The following DMD variants were observed in gnomAD, a reference collection of about 807,000 sequenced individuals.
The protein encoded by DMD is mutant dystrophin.
DMD carries 63 observed loss-of-function variants against 330.1 expected under a neutral mutation model. That is an observed-to-expected ratio of 0.19 (90% CI 0.16 to 0.24). The LOEUF is 0.24. DMD is among the 10% of genes least tolerant of loss of function. DMD has a pLI of 1.00. For missense variants in DMD, 3,344 were observed against 2,684.1 expected (o/e 1.25, Z -5.43); for synonymous variants, 1,223 against 959.8 (o/e 1.27, Z -5.07).
At chrX:32,557,762 G>A (rs2050472969) in intron 16 of DMD, among the ~76,000 whole-genome samples, 1 of 111,088 alleles carries the variant, frequency 9.0e-6, no homozygotes, top group Non-Finnish European at 1.9e-5. Context: ...CAAAAGATCA[G>A]ATGGTCACAA....
chrX:32,609,046 T>C (rs746219269), intron 12 of DMD, among the ~76,000 whole-genome samples: 10 of 110,844 alleles, frequency 9.0e-5, no homozygotes, highest in Non-Finnish European at 1.5e-4. Context: ...CTGCCTATTT[T>C]CTTAATTACC....
At chrX:33,266,537 G>T (rs1222672062) in intron 1 of DMD, among the ~76,000 whole-genome samples, 2 of 111,124 alleles carry the variant, frequency 1.8e-5, no homozygotes, top group Non-Finnish European at 3.8e-5. Flanking sequence ...GATAGTTGGA[G>T]GCAATACAAA....
At chrX:31,893,949 T>C (rs1299902220) in intron 47 of DMD, among the ~76,000 whole-genome samples, 1 of 111,335 alleles carries the variant, frequency 9.0e-6, no homozygotes, top group East Asian at 2.9e-4. Context: ...TGGCAGGGAA[T>C]GGAGGAGTAT....
intron 47 of DMD, among the ~76,000 whole-genome samples, chrX:31,926,038 G>A (rs139558119): frequency 0.04 from 4,475 of 110,708 alleles, 78 homozygotes; most frequent in Non-Finnish European, 0.064. Flanking sequence ...TGCATGTTCA[G>A]AGAAAATACA....
At chrX:32,385,319 A>C (rs921394789) in intron 33 of DMD, among the ~76,000 whole-genome samples, 1 of 111,062 alleles carries the variant, frequency 9.0e-6, no homozygotes, top group African/African-American at 3.3e-5. Flanking sequence ...CATTCTCTTC[A>C]ATAAATGGTT....
chrX:32,252,366 C>T (rs1405580186), intron 43 of DMD, among the ~76,000 whole-genome samples: 1 of 108,634 alleles, frequency 9.2e-6, no homozygotes, highest in Non-Finnish European at 1.9e-5. Flanking sequence ...TTCATAGCAC[C>T]TACTGCGGCT....
chrX:33,230,996 C>T (rs748421667), intron 1 of DMD, among the ~76,000 whole-genome samples: 1 of 111,107 alleles, frequency 9.0e-6, no homozygotes, highest in African/African-American at 3.3e-5. Context: ...GAATCAGGCA[C>T]CTTGGTACTT....
At chrX:32,899,175 G>A (rs188382407) in intron 2 of DMD, among the ~76,000 whole-genome samples, 3 of 112,202 alleles carry the variant, frequency 2.7e-5, no homozygotes, top group Admixed American at 9.5e-5. Context: ...GGGCACAGGC[G>A]TGCCATTTGC....
chrX:32,870,971 A>G lies in DMD; in HGVS notation c.94-21151T>C, dbSNP rs1332566642. 9.3e-4 allele frequency among the ~76,000 whole-genome samples: 67 copies of G among 71,846 alleles called. 2 individuals carry two copies. The highest frequency in any genetic ancestry group is 1.0e-3 in the Non-Finnish European group (39 of 37,346). 62.4% of individuals were successfully genotyped at this position (71,846 alleles called of 115,157 possible). On this transcript the variant is annotated intron_variant, in intron 2 of 78. Coordinates refer to ENST00000357033, the MANE Select transcript of DMD (RefSeq NM_004006.3). ...GCTTCTGTACAGCAAAAAAAAAAAA[A>G]AAAAAAAAAAAAAAAAACCACAAAA...
chrX:31,631,747 C>T (rs1159754453), intron 54 of DMD, among the ~76,000 whole-genome samples: 1 of 111,786 alleles, frequency 8.9e-6, no homozygotes, highest in East Asian at 2.8e-4. Context: ...TCATGCTGAA[C>T]AAGGATTTTA....
At position 32,196,530 on chromosome X, in the gene DMD, G is replaced by A. The variant is rs368625071; in HGVS notation, c.6438+20386C>T. On this transcript the variant is annotated intron_variant, in intron 44 of 78. Transcript: ENST00000357033. ...GAATATTTAGTTTGCTTCAGGCTTCGCAATCATTATAGATTCCACATTTAA... is the reference window on the plus strand; with the variant it reads ...GAATATTTAGTTTGCTTCAGGCTTCACAATCATTATAGATTCCACATTTAA... Among the ~76,000 whole-genome samples the A allele has an allele frequency of 8.9e-5, 10 of 112,118 alleles. No homozygotes were observed. The East Asian group carries it at 2.0e-3, about 22-fold the overall frequency.
intron 55 of DMD, among the ~76,000 whole-genome samples, chrX:31,565,079 A>T (rs1435063666): frequency 8.9e-6 from 1 of 112,268 alleles, no homozygotes; most frequent in Non-Finnish European, 1.9e-5. Context: ...TAGTTTTGAG[A>T]TAATTGTATG....
chrX:31,547,629 G>T (rs1380632456), intron 55 of DMD, among the ~76,000 whole-genome samples: 1 of 111,767 alleles, frequency 8.9e-6, no homozygotes, highest in African/African-American at 3.3e-5. Flanking sequence ...ACATTTGTGA[G>T]CAGTAAGCAT....
intron 7 of DMD, among the ~76,000 whole-genome samples, chrX:32,800,382 GTTA>G (rs1371596002): frequency 3.6e-5 from 4 of 111,335 alleles, no homozygotes; most frequent in East Asian, 2.8e-4. Flanking sequence ...ATTCTTATGA[GTTA>G]TTATTTTTTT....
intron 51 of DMD, among the ~76,000 whole-genome samples, chrX:31,734,859 T>G (rs1274468125): frequency 8.9e-6 from 1 of 111,957 alleles, no homozygotes; most frequent in Non-Finnish European, 1.9e-5. Context: ...GGAATCAAGC[T>G]TAAGTAGTCC....
chrX:32,259,058 T>C (rs911606466), intron 43 of DMD, among the ~76,000 whole-genome samples: 1 of 110,820 alleles, frequency 9.0e-6, no homozygotes, highest in Non-Finnish European at 1.9e-5. Context: ...GGCTGGAAAC[T>C]AAAAGCATGT....
chrX:32,678,778 C>T (rs2062150748), intron 9 of DMD, among the ~76,000 whole-genome samples: 2 of 111,805 alleles, frequency 1.8e-5, no homozygotes, highest in Non-Finnish European at 3.8e-5. Context: ...GACTGGTCAA[C>T]ATAAACTTAC....
intron 43 of DMD, among the ~76,000 whole-genome samples, chrX:32,241,700 A>G (rs1196885077): frequency 8.9e-6 from 1 of 112,301 alleles, no homozygotes; most frequent in Non-Finnish European, 1.9e-5. Flanking sequence ...TCATGATTTG[A>G]TATGTATTTG....
intron 7 of DMD, among the ~76,000 whole-genome samples, chrX:32,777,124 A>T (rs1236241558): frequency 5.6e-5 from 6 of 107,704 alleles, no homozygotes; most frequent in African/African-American, 1.7e-4. Flanking sequence ...CTGAGTAATT[A>T]GATTTTCTCA....
Sources: allele counts gnomAD v4.1 joint callset (sites outside exome capture counted in the v4.1 genomes callset), GRCh38; gene constraint gnomAD v4.1.1; transcripts MANE v1.5; gene names NCBI Gene and HGNC (gene_info 2026-07-23, HGNC 2026-07-21).